Variants in SETD2 observed in about 807,000 individuals in gnomAD.
SETD2 encodes the protein histone-lysine N-methyltransferase SETD2.
A neutral mutation model predicts 242.1 loss-of-function variants in SETD2; 31 were observed. The observed-to-expected ratio is 0.13, with a 90% CI of 0.10 to 0.17. The LOEUF (loss-of-function observed/expected upper bound fraction) is 0.17, where lower values mean the gene tolerates loss of function less well. Ranked by LOEUF, SETD2 falls within the 10% of genes least tolerant of loss-of-function variation. The pLI, the probability that SETD2 is intolerant of heterozygous loss-of-function variation, is 1.00. For synonymous variants in SETD2, 1,006 were observed against 1,066.5 expected, an observed-to-expected ratio of 0.94 and a Z score of 1.11; for missense variants, 2,481 against 3,046.3, an observed-to-expected ratio of 0.81 and a Z score of 4.37.
At chr3:47,043,632 GCA>G (rs1248436604) in intron 16 of SETD2, among the ~76,000 whole-genome samples, 1 of 152,112 alleles carries the variant, frequency 6.6e-6, no homozygotes, top group African/African-American at 2.4e-5. Context: ...ACCTTTGCTT[GCA>G]CAGTTAAAGA....
chr3:47,126,250 G>C (rs2043323468), intron 2 of SETD2, among the ~76,000 whole-genome samples: 1 of 152,182 alleles, frequency 6.6e-6, no homozygotes. Context: ...TCAAACTCCT[G>C]ACCTCAAGTG....
chr3:47,125,657 C>T (rs1364303675), intron 2 of SETD2, among the ~76,000 whole-genome samples: 1 of 152,152 alleles, frequency 6.6e-6, no homozygotes, highest in African/African-American at 2.4e-5. Flanking sequence ...CCTGGGCCCC[C>T]CACCCTCAAG....
chr3:47,069,941 T>C (rs1017675498), intron 12 of SETD2, among the ~76,000 whole-genome samples: 12 of 152,134 alleles, frequency 7.9e-5, no homozygotes, highest in African/African-American at 2.9e-4. Context: ...AGCTTGGAAA[T>C]GACATTTGCA....
intron 12 of SETD2, among the ~76,000 whole-genome samples, chr3:47,074,760 C>A (rs541983412): frequency 3.2e-4 from 48 of 152,286 alleles, no homozygotes; most frequent in Non-Finnish European, 5.6e-4. Context: ...TGGACCCTCA[C>A]CCCAGAAATG....
At position 47,121,678 on chromosome 3, in the gene SETD2, T is replaced by C. The variant is rs767527915; in HGVS notation, c.2958A>G (p.Glu986=). 4.3e-6 allele frequency: 7 copies of C among 1,614,046 alleles called. No homozygotes were observed. The highest frequency in any genetic ancestry group is 5.1e-6 in the Non-Finnish European group (6 of 1,179,928). Residue 986 remains glutamate, a synonymous_variant, in exon 3 of 21, where the codon GAA becomes GAG. Coordinates refer to ENST00000409792, the MANE Select transcript of SETD2 (RefSeq NM_014159.7). The stretch of plus-strand genomic sequence containing the variant: ...CATCAGAAGTATGCACATGTCCTCC[T>C]TCTCCTCTTTCATCTAAAGAGATTT... ...RPEISLDERG[E]GGHVHTSDDS... is the part of the protein sequence containing the mutation.
chr3:47,124,637 GA>G (rs1472404799), intron 2 of SETD2, 89 bp from the exon 3 acceptor site: 1 of 1,143,766 alleles, frequency 8.7e-7, no homozygotes, highest in East Asian at 2.6e-5. Context: ...CTGGAGAAAT[GA>G]AAAGCCCTTT....
chr3:47,115,197 C>G (rs558773708), intron 4 of SETD2, among the ~76,000 whole-genome samples: 19 of 152,100 alleles, frequency 1.2e-4, no homozygotes, highest in Non-Finnish European at 2.4e-4. Context: ...AGGTGAGTTG[C>G]TGGAGGATGA....
intron 15 of SETD2, among the ~76,000 whole-genome samples, chr3:47,047,297 T>A (rs1180269761): frequency 6.6e-6 from 1 of 152,200 alleles, no homozygotes; most frequent in Non-Finnish European, 1.5e-5. Flanking sequence ...GTACTGCCCA[T>A]GCCTGGAGTT....
At position 47,121,571 on chromosome 3, in the gene SETD2, T is replaced by A. The variant is rs1209681501; in HGVS notation, c.3065A>T (p.Asp1022Val). Reference protein sequence around the residue: ...SDGVTYALKCDSSGHAPEIVS... With the variant: ...SDGVTYALKCVSSGHAPEIVS... ...AATTTCTGGGGCATGACCACTACTG[T>A]CACACTTTAATGCATAAGTTACACC... Residue 1022 changes from aspartate (D) to valine (V), a missense_variant, in exon 3 of 21, where the codon GAC becomes GTC. Coordinates refer to ENST00000409792, the MANE Select transcript of SETD2 (RefSeq NM_014159.7). 5.0e-6 allele frequency: 8 copies of A among 1,613,972 alleles called. No individual in the cohort carries two copies. Among genetic ancestry groups the A allele is most frequent in the Non-Finnish European group, 6.8e-6 (8 of 1,179,986 alleles).
At chr3:47,091,573 G>A (rs749445789) in intron 9 of SETD2, among the ~76,000 whole-genome samples, 6 of 152,132 alleles carry the variant, frequency 3.9e-5, no homozygotes, top group Non-Finnish European at 8.8e-5. Context: ...GACCAGCCTG[G>A]CCAACACGGT....
intron 1 of SETD2, among the ~76,000 whole-genome samples, chr3:47,129,065 GCT>G (rs557943481): frequency 4.0e-4 from 61 of 152,202 alleles, no homozygotes; most frequent in Admixed American, 8.5e-4. Context: ...ATGAAAATAG[GCT>G]CAGGTTATAT....
intron 1 of SETD2, among the ~76,000 whole-genome samples, chr3:47,143,022 TGG>T (rs1396240518): frequency 1.3e-5 from 2 of 152,042 alleles, no homozygotes; most frequent in East Asian, 3.9e-4. Context: ...CTGGGCATGG[TGG>T]GTCACACCTG....
Position 47,121,077 on chromosome 3 carries a change from C to T in SETD2, c.3559G>A (p.Glu1187Lys), listed in dbSNP as rs1187563928. 6.2e-7 allele frequency: 1 copy of T among 1,614,082 alleles called. No homozygotes were observed. The highest frequency in any genetic ancestry group is 1.7e-5 in the Admixed American group (1 of 59,996). Residue 1187 changes from glutamate to lysine, a missense_variant, in exon 3 of 21, where the codon GAG becomes AAG. Coordinates refer to ENST00000409792, the MANE Select transcript of SETD2 (RefSeq NM_014159.7). ...KSDPLGHPNS[E>K]ETVKAKIPSR... The stretch of plus-strand genomic sequence containing the variant: ...GGTATTTTGGCTTTCACGGTTTCCT[C>T]TGAATTTGGGTGACCCAGAGGGTCA...
At chr3:47,062,519 T>C (rs1162845940) in intron 13 of SETD2, among the ~76,000 whole-genome samples, 173 bp from the exon 14 acceptor site, 3 of 152,238 alleles carry the variant, frequency 2.0e-5, no homozygotes, top group South Asian at 2.1e-4. Flanking sequence ...CAAGGTCTTA[T>C]GTCTGTGTTC....
At chr3:47,021,878 G>T (rs563671323) in intron 18 of SETD2, among the ~76,000 whole-genome samples, 1 of 152,306 alleles carries the variant, frequency 6.6e-6, no homozygotes, top group African/African-American at 2.4e-5. Flanking sequence ...GCTGGGTGTG[G>T]TGGCTCACGC....
chr3:47,081,249 C>T (rs2041304244), intron 12 of SETD2, among the ~76,000 whole-genome samples: 1 of 150,638 alleles, frequency 6.6e-6, no homozygotes, highest in Non-Finnish European at 1.5e-5. Flanking sequence ...CTGAAGCAAT[C>T]CCTTTCTGTT....
At chr3:47,077,572 C>T (rs1219133999) in intron 12 of SETD2, among the ~76,000 whole-genome samples, 1 of 152,180 alleles carries the variant, frequency 6.6e-6, no homozygotes, top group Non-Finnish European at 1.5e-5. Context: ...TGGTGAAGTA[C>T]ATTGTGTGTA....
At chr3:47,051,430 C>T (rs1267554744) in intron 15 of SETD2, among the ~76,000 whole-genome samples, 6 of 152,088 alleles carry the variant, frequency 3.9e-5, no homozygotes, top group African/African-American at 1.4e-4. Context: ...CCCTTGACTC[C>T]TGCAATCTCT....
chr3:47,145,643 T>G (rs1226247194), intron 1 of SETD2: 1 of 272,090 alleles, frequency 3.7e-6, no homozygotes, highest in Non-Finnish European at 7.9e-6. Flanking sequence ...AAGTTTTAAC[T>G]TTTGGAGCAT....
Sources: gnomAD v4.1 joint callset for allele counts (sites outside exome capture counted in the v4.1 genomes callset) on GRCh38, gnomAD v4.1.1 for gene constraint, MANE v1.5 for transcripts, NCBI Gene and HGNC (gene_info 2026-07-23, HGNC 2026-07-21) for gene names.